Variants in DGKI observed in about 807,000 individuals in gnomAD.
The protein encoded by DGKI is DAG kinase iota.
A neutral mutation model predicts 147.5 loss-of-function variants in DGKI; 55 were observed. The ratio of observed to expected loss-of-function variants is 0.37; its 90% CI spans 0.30 to 0.47. The LOEUF (loss-of-function observed/expected upper bound fraction) is 0.47, where lower values mean the gene tolerates loss of function less well. Among genes scored for constraint, DGKI ranks in the 20% least tolerant of loss-of-function variants. The pLI, the probability that DGKI is intolerant of heterozygous loss-of-function variation, is 1.00. For synonymous variants in DGKI, 469 were observed against 477.1 expected (o/e 0.98, Z 0.22); for missense variants, 1,007 against 1,323.8 (o/e 0.76, Z 3.71).
At chr7:137,448,679 GAGGAGGGAGGGA>G (rs1277054970) in intron 27 of DGKI, among the ~76,000 whole-genome samples, 1 of 18,252 alleles carries the variant, frequency 5.5e-5, no homozygotes, top group South Asian at 4.7e-3. Flanking sequence ...GGAAGGGAAG[GAGGAGGGAGGGA>G]AGGAAGGGAG....
chr7:137,429,845 C>T (rs1812988129), intron 28 of DGKI, among the ~76,000 whole-genome samples: 1 of 124,336 alleles, frequency 8.0e-6, no homozygotes, highest in African/African-American at 3.1e-5. Flanking sequence ...AAATCAAAAC[C>T]ACAATGAGAT....
chr7:137,827,696 C>T (rs1218202298), intron 1 of DGKI, among the ~76,000 whole-genome samples: 3 of 152,224 alleles, frequency 2.0e-5, no homozygotes, highest in Non-Finnish European at 2.9e-5. Flanking sequence ...GTCTAAGAAG[C>T]ACGGAATAGA....
At chr7:137,816,116 T>C (rs1192302661) in intron 1 of DGKI, among the ~76,000 whole-genome samples, 1 of 152,168 alleles carries the variant, frequency 6.6e-6, no homozygotes, top group Non-Finnish European at 1.5e-5. Context: ...ATTTAGTTCA[T>C]TATATTTCCC....
At chr7:137,405,811 C>T (rs910630163) in intron 30 of DGKI, among the ~76,000 whole-genome samples, 1 of 152,158 alleles carries the variant, frequency 6.6e-6, no homozygotes, top group African/African-American at 2.4e-5. Flanking sequence ...GGTGTCCTGG[C>T]CTTCCACAGC....
chr7:137,445,240 C>T (rs889408824), intron 27 of DGKI, among the ~76,000 whole-genome samples: 3 of 152,114 alleles, frequency 2.0e-5, no homozygotes, highest in African/African-American at 7.2e-5. Context: ...TGTGAGTGAA[C>T]AGTAAAGAAT....
chr7:137,434,615 C>T (rs993770086), intron 28 of DGKI, among the ~76,000 whole-genome samples: 1 of 151,666 alleles, frequency 6.6e-6, no homozygotes, highest in African/African-American at 2.4e-5. Context: ...AAGAGTATTC[C>T]CTCATCTTCT....
chr7:137,752,120 A>C (rs941991158), intron 1 of DGKI, among the ~76,000 whole-genome samples: 12 of 152,190 alleles, frequency 7.9e-5, no homozygotes, highest in African/African-American at 2.7e-4. Context: ...TATCCCCAGA[A>C]ACCTCTTCTA....
intron 10 of DGKI, among the ~76,000 whole-genome samples, chr7:137,601,813 T>A (rs1820000684): frequency 6.6e-6 from 1 of 152,218 alleles, no homozygotes; most frequent in Admixed American, 6.5e-5. Context: ...TGTTGTTACA[T>A]AGGCCAATGC....
chr7:137,519,223 T>C (rs1325661072), intron 21 of DGKI, among the ~76,000 whole-genome samples: 1 of 152,108 alleles, frequency 6.6e-6, no homozygotes, highest in African/African-American at 2.4e-5. Context: ...TCTTTCTCTG[T>C]GCTAAAATAA....
chr7:137,606,115 A>G (rs189521474), intron 10 of DGKI, among the ~76,000 whole-genome samples: 20 of 152,336 alleles, frequency 1.3e-4, no homozygotes, highest in Admixed American at 9.8e-4. Flanking sequence ...AAAAAATTAA[A>G]GAGTTTTAAA....
At chr7:137,708,272 T>C (rs1794103287) in intron 1 of DGKI, among the ~76,000 whole-genome samples, 1 of 152,232 alleles carries the variant, frequency 6.6e-6, no homozygotes, top group South Asian at 2.1e-4. Context: ...CGCCCTACTC[T>C]TAGTGGCAGA....
chr7:137,678,615 G>T lies in DGKI; in HGVS notation c.548C>A (p.Thr183Asn), dbSNP rs931977303. Residue 183 changes from threonine (T) to asparagine (N), a missense_variant, in exon 3 of 33, where the codon ACC becomes AAC. By Grantham distance (65) the Thr-to-Asn change is moderately conservative (BLOSUM62 0). Transcript: ENST00000614521. The stretch of plus-strand genomic sequence containing the variant: ...GTAGCAGAGGTCTCCCGAGACGTTG[G>T]TCTCCAGCCACAGGTGTTCTCCATT... ...AVNGEHLWLETNVSGDLCYLG... is the reference protein window; with the variant it reads ...AVNGEHLWLENNVSGDLCYLG... 1 of 1,613,944 alleles carries T rather than the reference G, an allele frequency of 6.2e-7. No individual in the cohort carries two copies. The highest frequency in any genetic ancestry group is 1.3e-5 in the African/African-American group (1 of 74,890).
intron 21 of DGKI, among the ~76,000 whole-genome samples, chr7:137,508,383 T>C (rs1183555926): frequency 1.3e-5 from 2 of 151,820 alleles, no homozygotes; most frequent in Admixed American, 1.3e-4. Flanking sequence ...CCCACCACCA[T>C]GTCCAGCTAA....
At chr7:137,666,675 G>T (rs73454832) in intron 3 of DGKI, among the ~76,000 whole-genome samples, 1 of 152,128 alleles carries the variant, frequency 6.6e-6, no homozygotes, top group African/African-American at 2.4e-5. Flanking sequence ...GTTGCCAGGC[G>T]GAGAGTCATG....
chr7:137,492,630 G>A (rs1585167308), intron 21 of DGKI, among the ~76,000 whole-genome samples: 2 of 152,134 alleles, frequency 1.3e-5, no homozygotes, highest in East Asian at 3.9e-4. Flanking sequence ...AGGTGGTAAG[G>A]GCAGGGCTCC....
chr7:137,557,422 C>T (rs113993325), intron 19 of DGKI, among the ~76,000 whole-genome samples: 13 of 152,058 alleles, frequency 8.5e-5, no homozygotes, highest in Middle Eastern at 3.4e-3. Context: ...CTCAAAGATA[C>T]GAGTACATGA....
rs112814735 is a variant in DGKI at position 137,646,941 on chromosome 7, A to G, written c.739-1404T>C. Among the ~76,000 whole-genome samples, 653 of 152,328 alleles carry G rather than the reference A, an allele frequency of 4.3e-3. 4 individuals are homozygous for G. The highest frequency in any genetic ancestry group is 6.8e-3 in the Non-Finnish European group (461 of 68,018). On this transcript the variant is annotated intron_variant, in intron 5 of 32. Coordinates refer to ENST00000614521, the MANE Select transcript of DGKI (RefSeq NM_001321708.2). The stretch of plus-strand genomic sequence containing the variant: ...TCTCTTAATAATGTCAAATCCACTT[A>G]AACTAAAACTAAACAAAGACCCTGG...
intron 31 of DGKI, 139 bp downstream of exon 31, chr7:137,397,238 C>T: frequency 5.3e-6 from 4 of 751,512 alleles, no homozygotes; most frequent in Non-Finnish European, 6.3e-6. Flanking sequence ...TAGCCCTGCA[C>T]ATTTATGAAC....
At chr7:137,693,736 A>C (rs1263086717) in intron 1 of DGKI, among the ~76,000 whole-genome samples, 1 of 152,222 alleles carries the variant, frequency 6.6e-6, no homozygotes, top group East Asian at 1.9e-4. Flanking sequence ...TGATTAGATC[A>C]AGGGTTGAGA....
Sources: allele counts gnomAD v4.1 joint callset (sites outside exome capture counted in the v4.1 genomes callset), GRCh38; gene constraint gnomAD v4.1.1; transcripts MANE v1.5; gene names NCBI Gene and HGNC (gene_info 2026-07-23, HGNC 2026-07-21).